The following HIVEP3 variants were observed in gnomAD, a reference collection of about 807,000 sequenced individuals.
The protein encoded by HIVEP3 is transcription factor HIVEP3.
A neutral mutation model predicts 152.8 loss-of-function variants in HIVEP3; 49 were observed. The observed-to-expected ratio is 0.32, with a 90% CI of 0.26 to 0.41. The LOEUF (loss-of-function observed/expected upper bound fraction) is 0.41, where lower values mean the gene tolerates loss of function less well. Among genes scored for constraint, HIVEP3 ranks in the 10% least tolerant of loss-of-function variants. HIVEP3 has a pLI of 1.00. For missense variants in HIVEP3, 2,790 were observed against 3,103.3 expected, an observed-to-expected ratio of 0.90 and a Z score of 2.40; for synonymous variants, 1,269 against 1,289.0, an observed-to-expected ratio of 0.98 and a Z score of 0.33.
At chr1:41,576,041 C>T (rs1287212984) in intron 4 of HIVEP3, among the ~76,000 whole-genome samples, 1 of 152,204 alleles carries the variant, frequency 6.6e-6, no homozygotes, top group Non-Finnish European at 1.5e-5. Context: ...CCCAGAACCC[C>T]ATACAGGGCC....
At chr1:41,851,330 G>T (rs1643594723) in intron 1 of HIVEP3, among the ~76,000 whole-genome samples, 1 of 100,540 alleles carries the variant, frequency 9.9e-6, no homozygotes. Flanking sequence ...TTGAGACAGA[G>T]TCTTGCTCTG....
chr1:41,670,349 G>A (rs1006970680), intron 2 of HIVEP3, among the ~76,000 whole-genome samples: 1 of 152,156 alleles, frequency 6.6e-6, no homozygotes, highest in Non-Finnish European at 1.5e-5. Context: ...CCAGGGCATT[G>A]GCTTTCTCTG....
chr1:41,933,707 G>GT (rs1346427896), intron 1 of HIVEP3, among the ~76,000 whole-genome samples: 3 of 151,860 alleles, frequency 2.0e-5, no homozygotes, highest in East Asian at 1.9e-4. Context: ...TTTGCTAGCT[G>GT]TTTTTTTGTT....
At chr1:41,829,697 T>A (rs188829473) in intron 1 of HIVEP3, among the ~76,000 whole-genome samples, 88 of 152,026 alleles carry the variant, frequency 5.8e-4, no homozygotes, top group Non-Finnish European at 1.1e-3. Context: ...ATGAAATATA[T>A]TCATATACAT....
upstream of HIVEP3, among the ~76,000 whole-genome samples, chr1:41,920,984 C>T (rs1436705296): frequency 6.6e-6 from 1 of 152,108 alleles, no homozygotes; most frequent in African/African-American, 2.4e-5. Flanking sequence ...TTTTTCTCAA[C>T]CCTTTAATTA....
In HIVEP3 at chr1:41,814,917, A is replaced by C. The variant is rs142281246; in HGVS notation, c.-801+103496T>G. Among the ~76,000 whole-genome samples the C allele has an allele frequency of 2.3e-3, 355 of 152,370 alleles. 1 individual carries two copies. Among genetic ancestry groups the C allele is most frequent in the African/African-American group, 7.9e-3 (328 of 41,590 alleles). On this transcript the variant is annotated intron_variant, in intron 1 of 8. Transcript: ENST00000372583. ...CATACACGTTATATGCATGATATGC[A>C]AAATCAGCACTGCTCTGGGTTTTGG...
At chr1:41,704,960 A>G (rs996354644) in intron 1 of HIVEP3, among the ~76,000 whole-genome samples, 4 of 152,226 alleles carry the variant, frequency 2.6e-5, no homozygotes, top group Non-Finnish European at 5.9e-5. Context: ...AAATATCTGT[A>G]TTATCAATTT....
chr1:41,591,941 C>G (rs1016709905), intron 3 of HIVEP3, among the ~76,000 whole-genome samples: 2 of 152,096 alleles, frequency 1.3e-5, no homozygotes, highest in Non-Finnish European at 2.9e-5. Context: ...ATTTCTGAGT[C>G]CTCCGATCTG....
chr1:41,882,156 T>C (rs1179344127), intron 1 of HIVEP3, among the ~76,000 whole-genome samples: 1 of 152,168 alleles, frequency 6.6e-6, no homozygotes, highest in East Asian at 1.9e-4. Flanking sequence ...TCTAAGAAAC[T>C]GCTTGATTTT....
chr1:41,852,383 G>A (rs886526508), intron 1 of HIVEP3, among the ~76,000 whole-genome samples: 4 of 152,246 alleles, frequency 2.6e-5, no homozygotes, highest in African/African-American at 4.8e-5. Flanking sequence ...CCTGAGCCAG[G>A]GGCAGGTGTA....
intron 3 of HIVEP3, among the ~76,000 whole-genome samples, chr1:41,595,881 G>A (rs1644658600): frequency 6.6e-6 from 1 of 152,170 alleles, no homozygotes; most frequent in African/African-American, 2.4e-5. Context: ...TGGCTTCCTT[G>A]CTTGCAGACG....
intron 2 of HIVEP3, among the ~76,000 whole-genome samples, chr1:41,689,341 C>T (rs4660555): frequency 0.055 from 8,402 of 152,252 alleles, 307 homozygotes; most frequent in Middle Eastern, 0.11. Flanking sequence ...AGGGAATAGG[C>T]GCTGAGGGGC....
At chr1:41,528,067 C>T (rs1569753073) in intron 5 of HIVEP3, among the ~76,000 whole-genome samples, 1 of 128,822 alleles carries the variant, frequency 7.8e-6, no homozygotes, top group African/African-American at 3.0e-5. Flanking sequence ...CTTACCTTCA[C>T]ACTCATACCC....
chr1:41,582,664 G>C lies in HIVEP3; in HGVS notation c.2134C>G (p.Leu712Val). 1.2e-6 allele frequency: 2 copies of C among 1,614,194 alleles called. No individual in the cohort carries two copies. The highest frequency in any genetic ancestry group is 1.7e-6 in the Non-Finnish European group (2 of 1,180,032). The change falls in exon 4 of 9, where the codon CTG becomes GTG. Residue 712 changes from leucine (L) to valine (V), a missense_variant. By Grantham distance (32) the Leu-to-Val change is conservative (BLOSUM62 1). This residue lies in a region of HIVEP3 where 339 missense variants were observed against 327.0 expected (regional missense o/e 1.04). Transcript: ENST00000372583. This position sits in a 1 kb window ranked among gnomAD's most constrained non-coding sequence, Gnocchi z 4.7. ...KLGTTLELTP[L>V]RKRRKEKSLG... ...CTCTTCTCTTTCCTCCTCTTCCTCA[G>C]TGGAGTGAGTTCCAGGGTGGTTCCC... is the stretch of plus-strand genomic sequence containing the variant.
chr1:41,627,040 C>T (rs1419611307), intron 3 of HIVEP3, among the ~76,000 whole-genome samples: 2 of 152,184 alleles, frequency 1.3e-5, no homozygotes, highest in Non-Finnish European at 2.9e-5. Context: ...TGTAAAGTAC[C>T]AACCATGTGG....
chr1:41,752,365 G>C (rs1488325428), intron 1 of HIVEP3, among the ~76,000 whole-genome samples: 2 of 152,200 alleles, frequency 1.3e-5, no homozygotes, highest in East Asian at 1.9e-4. Flanking sequence ...CAGGCTCTGG[G>C]TGGACTGAGA....
intron 2 of HIVEP3, among the ~76,000 whole-genome samples, chr1:41,650,212 C>G (rs918045549): frequency 6.6e-6 from 1 of 152,000 alleles, no homozygotes; most frequent in Non-Finnish European, 1.5e-5. Context: ...ACCCGAGGGA[C>G]TGCTGGGGAA....
intron 5 of HIVEP3, among the ~76,000 whole-genome samples, chr1:41,544,534 C>T (rs931047816): frequency 2.6e-5 from 4 of 151,728 alleles, no homozygotes; most frequent in African/African-American, 9.7e-5. Context: ...TGTCTCTCCA[C>T]AGCAAACCCT....
chr1:41,839,846 C>T lies in HIVEP3; in HGVS notation c.-801+78567G>A, dbSNP rs143396662. 7.9e-5 allele frequency among the ~76,000 whole-genome samples: 12 copies of T among 152,302 alleles called. No individual in the cohort carries two copies. The East Asian group carries it at 1.5e-3, about 20-fold the overall frequency. On this transcript the variant is annotated intron_variant, in intron 1 of 8. Coordinates refer to ENST00000372583, the MANE Select transcript of HIVEP3 (RefSeq NM_024503.5). ...CCACCCTGGATGCAAATGACCTTGC[C>T]CAAACTATTAAACATTCAAACCCTC...
Sources: gnomAD v4.1 joint callset for allele counts (sites outside exome capture counted in the v4.1 genomes callset) on GRCh38, gnomAD v4.1.1 for gene constraint, gnomAD v4.1.1 regional missense constraint, Gnocchi (gnomAD v3.1) non-coding constraint, MANE v1.5 for transcripts, NCBI Gene and HGNC (gene_info 2026-07-23, HGNC 2026-07-21) for gene names.